Variants in PTPRK observed in about 807,000 individuals in gnomAD.
The protein encoded by PTPRK is protein tyrosine phosphatase receptor type K.
A neutral mutation model predicts 178.0 loss-of-function variants in PTPRK; 75 were observed. That is an observed-to-expected ratio of 0.42 (90% CI 0.35 to 0.51). The LOEUF is 0.51. Ranked by LOEUF, PTPRK falls within the 20% of genes least tolerant of loss-of-function variation. The probability of loss-of-function intolerance (pLI) is 0.02; values close to 1 mark genes in which losing one functional copy is unlikely to be tolerated. For synonymous variants in PTPRK, 637 were observed against 620.6 expected (o/e 1.03, Z -0.39); for missense variants, 1,441 against 1,797.8 (o/e 0.80, Z 3.59).
chr6:128,334,364 C>T (rs890192319), intron 2 of PTPRK, among the ~76,000 whole-genome samples: 3 of 152,160 alleles, frequency 2.0e-5, no homozygotes, highest in African/African-American at 7.2e-5. Context: ...AAGTTTCCTT[C>T]CAACTCAACT....
chr6:128,020,443 G>A (rs1412978213), intron 13 of PTPRK, among the ~76,000 whole-genome samples: 2 of 152,174 alleles, frequency 1.3e-5, no homozygotes, highest in African/African-American at 4.8e-5. Context: ...GATAATGTCA[G>A]TGATATTTTT....
intron 7 of PTPRK, among the ~76,000 whole-genome samples, chr6:128,171,374 A>T (rs546237765): frequency 6.6e-6 from 1 of 152,108 alleles, no homozygotes; most frequent in African/African-American, 2.4e-5. Context: ...TGTTTAGGGG[A>T]TAATGCGAGC....
intron 11 of PTPRK, among the ~76,000 whole-genome samples, chr6:128,068,608 A>G (rs1782252726): frequency 6.6e-6 from 1 of 152,070 alleles, no homozygotes; most frequent in African/African-American, 2.4e-5. Flanking sequence ...GATCCCCCGG[A>G]TATCTAACAA....
intron 1 of PTPRK, among the ~76,000 whole-genome samples, chr6:128,427,597 T>G (rs1053314336): frequency 2.6e-5 from 4 of 152,252 alleles, no homozygotes; most frequent in Non-Finnish European, 4.4e-5. Flanking sequence ...ATTTTTACTT[T>G]TTTATGATTC....
chr6:128,418,564 G>C (rs568192063), intron 1 of PTPRK, among the ~76,000 whole-genome samples: 184 of 152,238 alleles, frequency 1.2e-3, no homozygotes, highest in African/African-American at 4.2e-3. Flanking sequence ...GAGGTGGAAC[G>C]GTGTCCTCCC....
intron 7 of PTPRK, among the ~76,000 whole-genome samples, chr6:128,131,718 G>T (rs1794267536): frequency 6.6e-6 from 1 of 152,074 alleles, no homozygotes; most frequent in African/African-American, 2.4e-5. Flanking sequence ...TTTAAAAGGG[G>T]TATCTCCAAA....
chr6:128,345,197 T>C (rs1832265346), intron 2 of PTPRK, among the ~76,000 whole-genome samples: 1 of 152,156 alleles, frequency 6.6e-6, no homozygotes. Flanking sequence ...TTCATACACA[T>C]ACATCTGAGG....
At chr6:128,063,647 T>C (rs1781249828) in intron 13 of PTPRK, 1 of 152,240 alleles carries the variant, frequency 6.6e-6, no homozygotes, top group South Asian at 2.1e-4. Context: ...ATCGTATGTA[T>C]CTGTGTATAT....
intron 5 of PTPRK, chr6:128,238,185 C>CAAAAAAAAAAAAAAAAAAGA: frequency 1.5e-5 from 3 of 203,780 alleles, no homozygotes; most frequent in Non-Finnish European, 2.8e-5. Context: ...TAGCAAACGC[C>CAAAAAAAAAAAAAAAAAAGA]AAAAAAAAAA....
chr6:128,022,093 C>T (rs1433978030), intron 13 of PTPRK, among the ~76,000 whole-genome samples: 1 of 152,110 alleles, frequency 6.6e-6, no homozygotes, highest in Non-Finnish European at 1.5e-5. Flanking sequence ...TGACCACCAA[C>T]ACTCTGTACG....
At chr6:128,066,453 C>T (rs1035702629) in intron 12 of PTPRK, among the ~76,000 whole-genome samples, 2 of 151,780 alleles carry the variant, frequency 1.3e-5, no homozygotes, top group East Asian at 1.9e-4. Context: ...ATACCCAAAG[C>T]TCTCACGGCC....
At chr6:127,972,849 GTGTC>G (rs61131945) in intron 29 of PTPRK, among the ~76,000 whole-genome samples, 169 bp downstream of exon 29, 27,834 of 152,076 alleles carry the variant, frequency 0.18, 2,881 homozygotes, top group Non-Finnish European at 0.23. Flanking sequence ...ACGTGATTAA[GTGTC>G]TGTGGGTAGA....
intron 13 of PTPRK, among the ~76,000 whole-genome samples, chr6:128,046,744 C>T (rs962234956): frequency 5.3e-5 from 8 of 152,030 alleles, no homozygotes; most frequent in African/African-American, 1.9e-4. Flanking sequence ...AGGGATGAAA[C>T]ACAAGAGTGC....
intron 1 of PTPRK, among the ~76,000 whole-genome samples, chr6:128,485,455 C>G (rs1284312279): frequency 6.6e-6 from 1 of 152,068 alleles, no homozygotes; most frequent in African/African-American, 2.4e-5. Context: ...ATTGAAAATG[C>G]ATGCACACAC....
chr6:128,135,526 A>C (rs1224647272), intron 7 of PTPRK, among the ~76,000 whole-genome samples: 5 of 152,184 alleles, frequency 3.3e-5, no homozygotes, highest in Non-Finnish European at 5.9e-5. Context: ...GATTCCCAGA[A>C]CTGTTTTTCA....
intron 2 of PTPRK, among the ~76,000 whole-genome samples, chr6:128,364,242 T>A (rs552405121): frequency 4.9e-4 from 74 of 152,214 alleles, no homozygotes; most frequent in African/African-American, 1.7e-3. Flanking sequence ...TGAGTCATGA[T>A]GAGTTTCTTC....
intron 13 of PTPRK, among the ~76,000 whole-genome samples, chr6:128,063,844 G>A (rs1330821507): frequency 6.6e-6 from 1 of 152,140 alleles, no homozygotes; most frequent in African/African-American, 2.4e-5. Context: ...GCAGACTGAT[G>A]ATTAGATGGA....
intron 7 of PTPRK, among the ~76,000 whole-genome samples, chr6:128,098,936 A>G (rs964750251): frequency 6.6e-6 from 1 of 151,898 alleles, no homozygotes. Context: ...TAATTTCTTC[A>G]CTACACTCCC....
At chr6:128,398,343 G>A (rs1840612596) in intron 1 of PTPRK, among the ~76,000 whole-genome samples, 1 of 152,204 alleles carries the variant, frequency 6.6e-6, no homozygotes, top group South Asian at 2.1e-4. Flanking sequence ...TGCAAAGGGA[G>A]TACGCTGTGG....
Sources: gnomAD v4.1 joint callset for allele counts (sites outside exome capture counted in the v4.1 genomes callset) on GRCh38, gnomAD v4.1.1 for gene constraint, MANE v1.5 for transcripts, NCBI Gene and HGNC (gene_info 2026-07-23, HGNC 2026-07-21) for gene names.